Variants in SPG7 observed in about 807,000 individuals in gnomAD.
SPG7 encodes mitochondrial inner membrane m-AAA protease component paraplegin.
In SPG7, 103 loss-of-function variants were observed where a neutral mutation model predicts 81.9. The ratio of observed to expected loss-of-function variants is 1.26; its 90% CI spans 1.07 to 1.48. The LOEUF is 1.48. Ranked by LOEUF, SPG7 falls within the 40% of genes most tolerant of loss-of-function variation. SPG7 has a pLI of 0.00. For missense variants in SPG7, 1,241 were observed against 1,087.3 expected (o/e 1.14, Z -1.99); for synonymous variants, 534 against 444.2 (o/e 1.20, Z -2.54).
chr16:89,542,684 G>GGACAGT (rs2058510582), intron 9 of SPG7, among the ~76,000 whole-genome samples: 1 of 152,130 alleles, frequency 6.6e-6, no homozygotes, highest in African/African-American at 2.4e-5. Flanking sequence ...CAGTGGCCCT[G>GGACAGT]GAGAAGCTGG....
intron 6 of SPG7, chr16:89,530,093 C>A: frequency 3.7e-6 from 1 of 269,398 alleles, no homozygotes; most frequent in South Asian, 4.1e-5. Context: ...CCCGCCTCAG[C>A]CTCCCAAAGT....
intron 13 of SPG7, 30 bp from the exon 14 acceptor site, chr16:89,552,949 C>T (rs2058650519): frequency 1.2e-6 from 2 of 1,612,382 alleles, no homozygotes; most frequent in African/African-American, 1.3e-5. Context: ...ATCCTGCCTA[C>T]TGACCTGGGT....
At chr16:89,526,549 C>G in intron 5 of SPG7, 81 bp downstream of exon 5, 2 of 1,527,724 alleles carry the variant, frequency 1.3e-6, no homozygotes, top group Non-Finnish European at 1.8e-6. Context: ...AATCAAAAAT[C>G]TCAAACTGTC....
At chr16:89,536,511 G>GAGGCCA (rs1567918883) in intron 9 of SPG7, among the ~76,000 whole-genome samples, 4 of 49,330 alleles carry the variant, frequency 8.1e-5, no homozygotes, top group Admixed American at 4.5e-4. Context: ...GAGGTGAGGC[G>GAGGCCA]GGTGAGGTCA....
Position 89,536,247 on chromosome 16 carries a change from C to G in SPG7, c.1324+3611C>G, listed in dbSNP as rs987995820. Reference sequence around the variant, plus strand: ...GGCCTCTCTGGTGCTGTGTGGCCTTCAGTGTGGCCTCTGGTGCTGTGTGGC... The same window carrying G: ...GGCCTCTCTGGTGCTGTGTGGCCTTGAGTGTGGCCTCTGGTGCTGTGTGGC... On this transcript the variant is annotated intron_variant, in intron 9 of 16. Transcript: ENST00000645818. Among the ~76,000 whole-genome samples, 5 of 116,582 alleles carry G rather than the reference C, an allele frequency of 4.3e-5. No individual in the cohort carries two copies. In the Admixed American group the frequency reaches 4.4e-4, roughly 10 times the overall value. The allele number at this position is 116,582 out of a possible 152,430, so 76.5% of individuals were successfully genotyped here. A position where few individuals can be genotyped will look rare whatever the true frequency, so the allele number is the denominator to read the frequency against.
intron 9 of SPG7, chr16:89,542,898 C>CACGG (rs994176916): frequency 3.3e-5 from 5 of 150,148 alleles, no homozygotes; most frequent in Admixed American, 3.3e-4. Flanking sequence ...TTACATTAGT[C>CACGG]ACGGTAGATC....
At position 89,531,519 on chromosome 16, in the gene SPG7, G is replaced by A. The variant is rs566725366; in HGVS notation, c.988-385G>A. Reference sequence around the variant, plus strand: ...CTCCCGAGTAGCAGGGATCACAGGCGCCCACCACCATGCACGGCTAATTTT... The same window carrying A: ...CTCCCGAGTAGCAGGGATCACAGGCACCCACCACCATGCACGGCTAATTTT... On this transcript the variant is annotated intron_variant, in intron 7 of 16. Transcript: ENST00000645818. 45 of 282,418 alleles carry A rather than the reference G, an allele frequency of 1.6e-4. 1 individual carries two copies. The highest frequency in any genetic ancestry group is 1.0e-3 in the South Asian group (29 of 29,008). 17.5% of individuals were successfully genotyped at this position (282,418 alleles called of 1,614,324 possible). A position where few individuals can be genotyped will look rare whatever the true frequency, so the allele number is the denominator to read the frequency against.
At position 89,524,194 on chromosome 16, in the gene SPG7, A is replaced by AGC; in HGVS notation, c.567_568dup (p.Asp190AlafsTer20). 1.2e-6 allele frequency: 2 copies of AGC among 1,613,760 alleles called. No homozygotes were observed. The highest frequency in any genetic ancestry group is 1.7e-6 in the Non-Finnish European group (2 of 1,179,978). ...GCAGCGCGTCCAGGTGGTGCCTGAGAGCGACGTGGTGGAAGTCTACCTGCA... is the reference window on the plus strand; with the variant it reads ...GCAGCGCGTCCAGGTGGTGCCTGAGAGCGCGACGTGGTGGAAGTCTACCTGCA... On this transcript the variant is annotated frameshift_variant, in exon 4 of 17. Transcript: ENST00000645818. LOFTEE classifies it high-confidence loss of function.
intron 13 of SPG7, chr16:89,552,516 G>A (rs904489736): frequency 2.4e-5 from 5 of 209,318 alleles, no homozygotes; most frequent in South Asian, 7.2e-5. Context: ...GAGTTAGCTC[G>A]TTGCCCCGCG....
chr16:89,536,822 C>A (rs1286280207), intron 9 of SPG7: 3 of 1,614,010 alleles, frequency 1.9e-6, no homozygotes, highest in African/African-American at 1.3e-5. Context: ...AGAGGAAAGA[C>A]CCCCGCCTGC....
intron 3 of SPG7, chr16:89,521,530 C>G (rs2058187779): frequency 1.3e-5 from 2 of 152,234 alleles, no homozygotes; most frequent in Non-Finnish European, 2.9e-5. Context: ...ATCACCTGAG[C>G]TCAGTCGTTT....
At chr16:89,537,044 C>G in intron 9 of SPG7, 2 of 1,599,688 alleles carry the variant, frequency 1.3e-6, no homozygotes, top group Admixed American at 3.4e-5. Flanking sequence ...CCTGGGAATC[C>G]GCTGACTGAA....
In SPG7 at chr16:89,529,591, A is replaced by G. The variant is rs2058313800; in HGVS notation, c.861+12A>G. On this transcript the variant is annotated intron_variant, in intron 6 of 16. Coordinates refer to ENST00000645818, the MANE Select transcript of SPG7 (RefSeq NM_003119.4). The stretch of plus-strand genomic sequence containing the variant: ...GATTCAGTGCTTTTGTAAGTTCTGT[A>G]AATCAGAGCTCTCTGAACTCTTTCT... 6.4e-7 allele frequency: 1 copy of G among 1,573,236 alleles called. No homozygotes were observed. The highest frequency in any genetic ancestry group is 1.3e-5 in the African/African-American group (1 of 74,320).
intron 4 of SPG7, among the ~76,000 whole-genome samples, chr16:89,524,923 G>A (rs1263665641): frequency 6.6e-6 from 1 of 151,704 alleles, no homozygotes; most frequent in Admixed American, 6.6e-5. Flanking sequence ...GGGTTACTCA[G>A]GATTCAGAAT....
rs1055621905 is a variant in SPG7, at chr16:89,541,210, G to C, written c.1325-3438G>C. 10 of 983,194 alleles carry C rather than the reference G, an allele frequency of 1.0e-5. No homozygotes were observed. In the African/African-American group the frequency reaches 1.8e-4, roughly 17 times the overall value. The allele number at this position is 983,194 out of a possible 1,614,324, so 60.9% of individuals were successfully genotyped here. On this transcript the variant is annotated intron_variant, in intron 9 of 16. Coordinates refer to ENST00000645818, the MANE Select transcript of SPG7 (RefSeq NM_003119.4). ...CACGGTGTTCTACGCAGAAATAGAA[G>C]AGCTGAAACTGGTGTATCCTTATCA...
chr16:89,510,506 T>C lies in SPG7; in HGVS notation c.200T>C (p.Leu67Pro), dbSNP rs1567893769. The C allele has an allele frequency of 1.3e-6, 2 of 1,581,814 alleles. No individual in the cohort carries two copies. The highest frequency in any genetic ancestry group is 1.7e-5 in the Admixed American group (1 of 59,830). Residue 67 changes from leucine (L) to proline (P), a missense_variant, in exon 2 of 17, where the codon CTG (leucine) becomes CCG (proline). By Grantham distance (98) the Leu-to-Pro change is moderately conservative. Coordinates refer to ENST00000645818, the MANE Select transcript of SPG7 (RefSeq NM_003119.4). ...GRALQSLQLR[L>P]LTPTFEGING... ...TTTTTTCAGAGCTTACAATTGAGAC[T>C]GCTAACCCCTACCTTTGAAGGGATC...
chr16:89,544,641 CCCTCAGGAATGGGTA>C lies in SPG7; in HGVS notation c.1325-4_1335del. 6.2e-7 allele frequency: 1 copy of C among 1,613,894 alleles called. No homozygotes were observed. The highest frequency in any genetic ancestry group is 8.5e-7 in the Non-Finnish European group (1 of 1,179,902). Reference sequence around the variant, plus strand: ...CCTCAGAGCCACTGTCTGCTCTGTCCCCTCAGGAATGGGTACCACAGACCATGTCATCGTCCTGGC... The same window carrying C: ...CCTCAGAGCCACTGTCTGCTCTGTCCCCACAGACCATGTCATCGTCCTGGC... On this transcript the variant is annotated splice_acceptor_variant and splice_polypyrimidine_tract_variant and coding_sequence_variant and intron_variant, in exon 10 of 17. Transcript: ENST00000645818. LOFTEE classifies it high-confidence loss of function.
intron 5 of SPG7, among the ~76,000 whole-genome samples, chr16:89,528,002 G>C (rs947823173): frequency 2.0e-5 from 3 of 152,150 alleles, no homozygotes; most frequent in African/African-American, 7.2e-5. Flanking sequence ...CTCTGAGGCT[G>C]TGTGTCTCAT....
At position 89,524,032 on chromosome 16, in the gene SPG7, G is replaced by T; in HGVS notation, c.403G>T (p.Asp135Tyr). ...GGAGAGGAGACGCCGTGAGCGGGAC[G>T]ACCAGATGTACCGAGAGCGGCTGCG... ...EEERRRRERD[D>Y]QMYRERLRTL... Residue 135 changes from aspartate (D) to tyrosine (Y), a missense_variant, in exon 4 of 17, where the codon GAC (aspartate) becomes TAC (tyrosine). Transcript: ENST00000645818. 1.2e-6 allele frequency: 2 copies of T among 1,613,246 alleles called. No homozygotes were observed. The highest frequency in any genetic ancestry group is 1.1e-5 in the South Asian group (1 of 91,036).
Sources: allele counts gnomAD v4.1 joint callset (sites outside exome capture counted in the v4.1 genomes callset), GRCh38; gene constraint gnomAD v4.1.1; transcripts MANE v1.5; gene names NCBI Gene and HGNC (gene_info 2026-07-23, HGNC 2026-07-21).